Variants in NFIA observed in about 807,000 individuals in gnomAD.
NFIA encodes nuclear factor 1 A-type.
A neutral mutation model predicts 62.8 loss-of-function variants in NFIA; 8 were observed. The ratio of observed to expected loss-of-function variants is 0.13; its 90% CI spans 0.07 to 0.23. The LOEUF (loss-of-function observed/expected upper bound fraction) is 0.23. Ranked by LOEUF, NFIA falls within the 10% of genes least tolerant of loss-of-function variation. NFIA has a pLI of 1.00. For synonymous variants in NFIA, 235 were observed against 238.1 expected, an observed-to-expected ratio of 0.99 and a Z score of 0.12; for missense variants, 410 against 642.1, an observed-to-expected ratio of 0.64 and a Z score of 3.91.
intron 3 of NFIA, among the ~76,000 whole-genome samples, chr1:61,323,225 A>C (rs2100372623): frequency 6.6e-6 from 1 of 152,364 alleles, no homozygotes; most frequent in South Asian, 2.1e-4. Flanking sequence ...CCATGTTACA[A>C]ATGCATTTAA....
intron 6 of NFIA, among the ~76,000 whole-genome samples, chr1:61,360,324 G>A (rs1221649933): frequency 6.6e-6 from 1 of 152,194 alleles, no homozygotes; most frequent in Non-Finnish European, 1.5e-5. Context: ...TGGGTATAAA[G>A]GATAGAGTAT....
chr1:61,092,500 C>T (rs1286473508), intron 2 of NFIA, among the ~76,000 whole-genome samples: 1 of 152,156 alleles, frequency 6.6e-6, no homozygotes, highest in African/African-American at 2.4e-5. Flanking sequence ...TCCTTTCAAT[C>T]ACTGAAGGAG....
At position 61,462,358 on chromosome 1, in the gene NFIA, C is replaced by T. The variant is rs1446136427; in HGVS notation, c.*7038C>T. ...AATTCACTGGGGACTTTTCCCACCACACATGGAAATCTGTCCACTCGGAAT... is the reference window on the plus strand; with the variant it reads ...AATTCACTGGGGACTTTTCCCACCATACATGGAAATCTGTCCACTCGGAAT... On this transcript the variant is annotated 3_prime_UTR_variant, in exon 11 of 11. Transcript: ENST00000403491. 1 of 152,190 alleles carries T rather than the reference C, an allele frequency of 6.6e-6. No homozygotes were observed. The highest frequency in any genetic ancestry group is 1.5e-5 in the Non-Finnish European group (1 of 68,058). 9.4% of individuals were successfully genotyped at this position (152,190 alleles called of 1,614,324 possible). A position where few individuals can be genotyped will look rare whatever the true frequency, so the allele number is the denominator to read the frequency against.
chr1:61,428,483 A>G (rs968311324), intron 10 of NFIA, among the ~76,000 whole-genome samples: 1 of 151,812 alleles, frequency 6.6e-6, no homozygotes, highest in Admixed American at 6.6e-5. Flanking sequence ...TTTGGCTTGA[A>G]GAAAGTCATT....
At chr1:61,398,664 G>A (rs988476094) in intron 7 of NFIA, among the ~76,000 whole-genome samples, 1 of 152,138 alleles carries the variant, frequency 6.6e-6, no homozygotes, top group South Asian at 2.1e-4. Context: ...GGCTCACCTC[G>A]AGTCAAAAGC....
At chr1:61,265,089 A>T (rs1460230797) in intron 2 of NFIA, among the ~76,000 whole-genome samples, 1 of 152,196 alleles carries the variant, frequency 6.6e-6, no homozygotes, top group Non-Finnish European at 1.5e-5. Flanking sequence ...GTATCAACTC[A>T]TACATCTTTG....
At chr1:61,367,914 ATTTG>A (rs140267835) in intron 6 of NFIA, among the ~76,000 whole-genome samples, 17,411 of 152,160 alleles carry the variant, frequency 0.11, 1,137 homozygotes, top group Non-Finnish European at 0.14. Context: ...TTCAATCAAT[ATTTG>A]TTTAATAAAT....
chr1:61,205,651 A>G (rs574478873), intron 2 of NFIA, among the ~76,000 whole-genome samples: 38 of 152,252 alleles, frequency 2.5e-4, no homozygotes, highest in Admixed American at 1.7e-3. Flanking sequence ...CTAGGCATAA[A>G]TATGTTAAAA....
At position 61,406,610 on chromosome 1, in the gene NFIA, C is replaced by T. The variant is rs778822646; in HGVS notation, c.1303C>T (p.Pro435Ser). 1.2e-6 allele frequency: 2 copies of T among 1,607,460 alleles called. No individual in the cohort carries two copies. Among genetic ancestry groups the T allele is most frequent in the Admixed American group, 1.7e-5 (1 of 59,358 alleles). Reference protein sequence around the residue: ...GKVHNPFLPTPMLPPPPPPPM... With the variant: ...GKVHNPFLPTSMLPPPPPPPM... The stretch of plus-strand genomic sequence containing the variant: ...GGTGCACAACCCATTCCTTCCCACC[C>T]CAATGTTGCCACCGCCACCGCCACC... Residue 435 changes from proline to serine, a missense_variant, in exon 9 of 11, where the codon CCA becomes TCA. Physicochemically the swap from Pro to Ser is moderately conservative, Grantham distance 74 (BLOSUM62 -1). This residue lies in a region of NFIA where 298 missense variants were observed against 438.1 expected (regional missense o/e 0.68). Transcript: ENST00000403491.
At chr1:61,303,988 AC>A (rs1260638295) in intron 3 of NFIA, among the ~76,000 whole-genome samples, 20 of 152,196 alleles carry the variant, frequency 1.3e-4, no homozygotes, top group African/African-American at 4.8e-4. Flanking sequence ...GATCAGGGTG[AC>A]ATTGGCCGGG....
intron 5 of NFIA, among the ~76,000 whole-genome samples, chr1:61,356,596 T>C (rs1159443005): frequency 6.6e-6 from 1 of 152,228 alleles, no homozygotes; most frequent in African/African-American, 2.4e-5. Flanking sequence ...TTGTAAGGAA[T>C]TCGCTGTGTA....
At chr1:61,134,605 G>C (rs1647148418) in intron 2 of NFIA, among the ~76,000 whole-genome samples, 1 of 152,168 alleles carries the variant, frequency 6.6e-6, no homozygotes, top group Non-Finnish European at 1.5e-5. Flanking sequence ...TGATGACTAA[G>C]TTGAAGTATT....
chr1:61,077,526 G>C, upstream of NFIA: 4 of 1,072,180 alleles, frequency 3.7e-6, no homozygotes, highest in Non-Finnish European at 5.0e-6. Flanking sequence ...ACGGTTCCAA[G>C]TTTATTTAGA....
intron 6 of NFIA, among the ~76,000 whole-genome samples, chr1:61,371,726 G>A (rs1024141754): frequency 1.3e-5 from 2 of 152,140 alleles, no homozygotes; most frequent in African/African-American, 4.8e-5. Context: ...CAGGTTGGTG[G>A]CAATTGTCAT....
intron 2 of NFIA, among the ~76,000 whole-genome samples, chr1:61,096,772 C>T (rs978286645): frequency 6.6e-6 from 1 of 151,068 alleles, no homozygotes. Flanking sequence ...AGGCTGGACT[C>T]GAACTCCTGA....
intron 2 of NFIA, among the ~76,000 whole-genome samples, chr1:61,136,722 A>G (rs1647198818): frequency 6.6e-6 from 1 of 151,964 alleles, no homozygotes; most frequent in Non-Finnish European, 1.5e-5. Flanking sequence ...ATGCTGGGAG[A>G]CACAATTATG....
At chr1:61,184,841 A>G (rs1251856794) in intron 2 of NFIA, among the ~76,000 whole-genome samples, 1 of 152,240 alleles carries the variant, frequency 6.6e-6, no homozygotes, top group Non-Finnish European at 1.5e-5. Context: ...TAATTTGCAC[A>G]TGAACACGAA....
chr1:61,447,674 G>A (rs150446071), intron 10 of NFIA, among the ~76,000 whole-genome samples: 62 of 152,278 alleles, frequency 4.1e-4, no homozygotes, highest in African/African-American at 1.4e-3. Context: ...CTTCCGTGGC[G>A]CAGGCTCAAT....
chr1:61,169,491 A>G lies in NFIA; in HGVS notation c.559+80811A>G, dbSNP rs183520221. On this transcript the variant is annotated intron_variant, in intron 2 of 10. Coordinates refer to ENST00000403491, the MANE Select transcript of NFIA (RefSeq NM_001134673.4). ...TCAGCTCTTCCTGAAGACTTTATGG[A>G]CACCCCCAACCAAATGTGGAAAGGG... Among the ~76,000 whole-genome samples, 33 of 152,288 alleles carry G rather than the reference A, an allele frequency of 2.2e-4. No homozygotes were observed. In the East Asian group the frequency reaches 4.2e-3, roughly 20 times the overall value.
Sources: allele counts gnomAD v4.1 joint callset (sites outside exome capture counted in the v4.1 genomes callset), GRCh38; gene constraint gnomAD v4.1.1; regional missense constraint gnomAD v4.1.1; transcripts MANE v1.5; gene names NCBI Gene and HGNC (gene_info 2026-07-23, HGNC 2026-07-21).